The following CACNA2D2 variants were observed in gnomAD, a reference collection of about 807,000 sequenced individuals.
CACNA2D2 encodes voltage-dependent calcium channel subunit alpha-2/delta-2.
CACNA2D2 carries 48 observed loss-of-function variants against 166.4 expected under a neutral mutation model. The observed-to-expected ratio is 0.29, with a 90% CI of 0.23 to 0.37. The LOEUF (loss-of-function observed/expected upper bound fraction) is 0.37. Among genes scored for constraint, CACNA2D2 ranks in the 10% least tolerant of loss-of-function variants. The pLI is 1.00. For synonymous variants in CACNA2D2, 561 were observed against 573.7 expected (o/e 0.98, Z 0.32); for missense variants, 1,122 against 1,433.0 (o/e 0.78, Z 3.50).
intron 2 of CACNA2D2, among the ~76,000 whole-genome samples, chr3:50,472,253 G>A (rs1238949711): frequency 6.6e-6 from 1 of 152,208 alleles, no homozygotes; most frequent in African/African-American, 2.4e-5. Context: ...GCATGTAGCT[G>A]GGCTAAGGCC....
chr3:50,371,342 A>G (rs587731330), intron 22 of CACNA2D2, among the ~76,000 whole-genome samples: 4 of 147,370 alleles, frequency 2.7e-5, no homozygotes, highest in African/African-American at 7.3e-5. Flanking sequence ...GTGAGTGAGC[A>G]TGCATGTGTG....
intron 1 of CACNA2D2, 30 bp from the exon 2 acceptor site, chr3:50,476,229 GGAGGGCC>G (rs776416585): frequency 5.8e-5 from 90 of 1,548,244 alleles, no homozygotes; most frequent in Non-Finnish European, 7.6e-5. Flanking sequence ...AGAGGTGTCA[GGAGGGCC>G]TGCCCAGAGC....
At chr3:50,484,330 C>T (rs950350092) in intron 1 of CACNA2D2, among the ~76,000 whole-genome samples, 1 of 152,164 alleles carries the variant, frequency 6.6e-6, no homozygotes, top group Non-Finnish European at 1.5e-5. Flanking sequence ...CACCGGCTTC[C>T]ACCTTCTGCC....
chr3:50,434,790 GC>G (rs922188868), intron 2 of CACNA2D2, among the ~76,000 whole-genome samples: 1 of 152,206 alleles, frequency 6.6e-6, no homozygotes, highest in African/African-American at 2.4e-5. Flanking sequence ...GGAAGAGTGG[GC>G]TGGAGAGGAG....
chr3:50,415,962 TA>T (rs1186633097), intron 3 of CACNA2D2: 1 of 152,306 alleles, frequency 6.6e-6, no homozygotes, highest in African/African-American at 2.4e-5. Flanking sequence ...TTCAACTTCT[TA>T]CTGCCGTGCT....
intron 4 of CACNA2D2, 136 bp from the exon 5 acceptor site, chr3:50,387,748 C>G (rs587770717): frequency 4.3e-6 from 3 of 693,458 alleles, no homozygotes; most frequent in Admixed American, 5.6e-5. Context: ...CCAGAGCCCC[C>G]CTCCTGGAAG....
At chr3:50,385,844 C>G (rs587756595) in intron 5 of CACNA2D2, among the ~76,000 whole-genome samples, 2 of 152,190 alleles carry the variant, frequency 1.3e-5, no homozygotes, top group African/African-American at 4.8e-5. Flanking sequence ...AGAAAGCCCC[C>G]GAAATGTCAG....
intron 2 of CACNA2D2, among the ~76,000 whole-genome samples, chr3:50,450,588 G>C (rs1709049205): frequency 1.3e-5 from 2 of 152,200 alleles, no homozygotes; most frequent in African/African-American, 4.8e-5. Context: ...GTGACATTCA[G>C]CGCCAAATTA....
At position 50,439,824 on chromosome 3, in the gene CACNA2D2, C is replaced by G. The variant is rs541432061; in HGVS notation, c.289-5395G>C. Among the ~76,000 whole-genome samples the G allele has an allele frequency of 3.9e-5, 6 of 152,304 alleles. No individual in the cohort carries two copies. In the East Asian group the frequency reaches 1.2e-3, roughly 29 times the overall value. On this transcript the variant is annotated intron_variant, in intron 2 of 37. Coordinates refer to ENST00000424201, the MANE Select transcript of CACNA2D2 (RefSeq NM_006030.4). ...CTTGTGGTGGCTCAGGAAGCCTGAG[C>G]TGGGCCAATGAGGTAGGGCGATTGG...
At chr3:50,387,425 G>T in intron 5 of CACNA2D2, 143 bp downstream of exon 5, 1 of 737,534 alleles carries the variant, frequency 1.4e-6, no homozygotes, top group Non-Finnish European at 2.4e-6. Flanking sequence ...CTAGGGAGTT[G>T]TGGGAGGTGG....
chr3:50,452,335 T>G (rs924118624), intron 2 of CACNA2D2, among the ~76,000 whole-genome samples: 1 of 152,216 alleles, frequency 6.6e-6, no homozygotes, highest in Non-Finnish European at 1.5e-5. Flanking sequence ...CACCTGCACA[T>G]GACCTCCATC....
At chr3:50,483,767 T>C (rs932359328) in intron 1 of CACNA2D2, among the ~76,000 whole-genome samples, 1 of 152,196 alleles carries the variant, frequency 6.6e-6, no homozygotes, top group Admixed American at 6.5e-5. Flanking sequence ...ATGGACCATT[T>C]AGGGATCCAT....
At chr3:50,403,973 G>T (rs1419803178) in intron 3 of CACNA2D2, among the ~76,000 whole-genome samples, 1 of 152,226 alleles carries the variant, frequency 6.6e-6, no homozygotes, top group African/African-American at 2.4e-5. Context: ...TGAAGGCAGG[G>T]ACTTGATTCA....
At chr3:50,409,970 G>C (rs763289578) in intron 3 of CACNA2D2, among the ~76,000 whole-genome samples, 9 of 152,226 alleles carry the variant, frequency 5.9e-5, no homozygotes, top group Non-Finnish European at 1.0e-4. Flanking sequence ...CCAGAGCATA[G>C]ACTGAGGCCA....
chr3:50,404,449 T>C (rs1324190393), intron 3 of CACNA2D2, among the ~76,000 whole-genome samples: 2 of 152,066 alleles, frequency 1.3e-5, no homozygotes, highest in Non-Finnish European at 2.9e-5. Context: ...CAGAGGGTGG[T>C]GGACAGGAGT....
intron 3 of CACNA2D2, among the ~76,000 whole-genome samples, chr3:50,422,924 G>A (rs1485152493): frequency 3.9e-5 from 6 of 152,328 alleles, no homozygotes; most frequent in East Asian, 1.9e-4. Flanking sequence ...TCTGCTACGC[G>A]GCCAACAGAC....
At chr3:50,432,605 G>C (rs1381533495) in intron 3 of CACNA2D2, among the ~76,000 whole-genome samples, 1 of 152,236 alleles carries the variant, frequency 6.6e-6, no homozygotes, top group African/African-American at 2.4e-5. Flanking sequence ...CACTGGCTGA[G>C]AGAGGCGAGC....
In CACNA2D2 at chr3:50,381,963, CCT is replaced by C. The variant is rs201111106; in HGVS notation, c.653-839_653-838del. On this transcript the variant is annotated intron_variant, in intron 6 of 37. Transcript: ENST00000424201. ...CCTTGTAGTTGCACGTGTGTGATCC[CCT>C]GTCCAGATCTATCCCTACACACACA... Among the ~76,000 whole-genome samples, 1,406 of 147,772 alleles carry C rather than the reference CCT, an allele frequency of 9.5e-3. 12 individuals carry two copies. The highest frequency in any genetic ancestry group is 0.016 in the Non-Finnish European group (1,106 of 67,394).
intron 3 of CACNA2D2, among the ~76,000 whole-genome samples, chr3:50,423,508 C>T (rs542183197): frequency 2.6e-5 from 4 of 152,248 alleles, no homozygotes; most frequent in Non-Finnish European, 5.9e-5. Context: ...CCAGCCTGCA[C>T]TTGGCAGTCC....
Sources: allele counts gnomAD v4.1 joint callset (sites outside exome capture counted in the v4.1 genomes callset), GRCh38; gene constraint gnomAD v4.1.1; transcripts MANE v1.5; gene names NCBI Gene and HGNC (gene_info 2026-07-23, HGNC 2026-07-21).